The following AMACR variants were observed in gnomAD, a reference collection of about 807,000 sequenced individuals.
AMACR encodes the protein alpha-methylacyl-CoA racemase.
AMACR carries 18 observed loss-of-function variants against 22.2 expected under a neutral mutation model. The observed-to-expected ratio is 0.81, with a 90% CI of 0.56 to 1.20. The LOEUF (loss-of-function observed/expected upper bound fraction) is 1.20. Among genes scored for constraint, AMACR ranks in the 50% most tolerant of loss-of-function variants. The pLI is 0.00. For missense variants in AMACR, 499 were observed against 490.6 expected (o/e 1.02, Z -0.16); for synonymous variants, 213 against 191.3 (o/e 1.11, Z -0.94).
At position 33,989,040 on chromosome 5, in the gene AMACR, A is replaced by G. The variant is rs1239711973; in HGVS notation, c.*53T>C. On this transcript the variant is annotated 3_prime_UTR_variant, in exon 5 of 5. Coordinates refer to ENST00000335606, the MANE Select transcript of AMACR (RefSeq NM_014324.6). ...TTCCATGCATACAATGTTATGTGTTACTCTACACTGTAAATGCAGTATTCA... is the reference window on the plus strand; with the variant it reads ...TTCCATGCATACAATGTTATGTGTTGCTCTACACTGTAAATGCAGTATTCA... 1.2e-6 allele frequency: 2 copies of G among 1,611,688 alleles called. No homozygotes were observed. The highest frequency in any genetic ancestry group is 2.7e-5 in the African/African-American group (2 of 74,886).
chr5:34,006,904 T>C (rs1753997282), intron 1 of AMACR, among the ~76,000 whole-genome samples: 1 of 152,244 alleles, frequency 6.6e-6, no homozygotes, highest in Admixed American at 6.5e-5. Context: ...ACTGGAGTGA[T>C]ACCAGCCCCA....
chr5:34,006,820 T>A (rs1753994222), intron 1 of AMACR, among the ~76,000 whole-genome samples: 1 of 152,272 alleles, frequency 6.6e-6, no homozygotes, highest in African/African-American at 2.4e-5. Context: ...CATTTACCGA[T>A]TTCCCACTAT....
In AMACR at chr5:33,989,081, T is replaced by G. The variant is rs1423230846; in HGVS notation, c.*12A>C. 1 of 1,614,032 alleles carries G rather than the reference T, an allele frequency of 6.2e-7. No homozygotes were observed. The highest frequency in any genetic ancestry group is 8.5e-7 in the Non-Finnish European group (1 of 1,180,034). ...GCAGTATTCAAATTCACTTGAGCCG[T>G]GGGCCTGGAAGTTAGAGACTAGCTT... On this transcript the variant is annotated 3_prime_UTR_variant, in exon 5 of 5. Coordinates refer to ENST00000335606, the MANE Select transcript of AMACR (RefSeq NM_014324.6).
At chr5:34,006,921 A>T (rs1188187651) in intron 1 of AMACR, among the ~76,000 whole-genome samples, 1 of 152,246 alleles carries the variant, frequency 6.6e-6, no homozygotes, top group Non-Finnish European at 1.5e-5. Flanking sequence ...CCCAAACACC[A>T]GTTTTTAAAA....
chr5:33,991,796 G>A (rs185328585), intron 4 of AMACR, among the ~76,000 whole-genome samples: 116 of 151,316 alleles, frequency 7.7e-4, no homozygotes, highest in African/African-American at 2.6e-3. Flanking sequence ...GCTGGAGTGC[G>A]GTGGTGTGAT....
At chr5:33,997,333 T>G (rs1207663179) in intron 4 of AMACR, 1 of 774,808 alleles carries the variant, frequency 1.3e-6, no homozygotes, top group Non-Finnish European at 2.4e-6. Context: ...ACATAAATTT[T>G]TAATCATCAT....
In AMACR at chr5:33,988,997, A is replaced by G. The variant is rs1753383731; in HGVS notation, c.*96T>C. 1 of 1,577,000 alleles carries G rather than the reference A, an allele frequency of 6.3e-7. No individual in the cohort carries two copies. Among genetic ancestry groups the G allele is most frequent in the Non-Finnish European group, 8.6e-7 (1 of 1,161,844 alleles). On this transcript the variant is annotated 3_prime_UTR_variant, in exon 5 of 5. Transcript: ENST00000335606. ...CTTGATTAGAGTGGTAGGACACTGT[A>G]ATACTGTTCCTCCATGTTTCCATGC...
rs779290495 is a variant in AMACR, at chr5:33,989,231, G to A, written c.1011C>T (p.Ile337=). 9 of 1,614,022 alleles carry A rather than the reference G, an allele frequency of 5.6e-6. No individual in the cohort carries two copies. The African/African-American group carries it at 1.1e-4, about 19-fold the overall frequency. ...TGAAAGGATCCCTTTTGAAAGAAGGGATGGCTGGGGTGTTTAACAGCAGAG... is the reference window on the plus strand; with the variant it reads ...TGAAAGGATCCCTTTTGAAAGAAGGAATGGCTGGGGTGTTTAACAGCAGAG... The part of the protein sequence containing the change: ...PAPLLLNTPA[I]PSFKRDPFIG... Residue 337 remains isoleucine (I), a synonymous_variant, in exon 5 of 5, where the codon ATC becomes ATT. Coordinates refer to ENST00000335606, the MANE Select transcript of AMACR (RefSeq NM_014324.6).
intron 1 of AMACR, among the ~76,000 whole-genome samples, chr5:34,006,762 T>A (rs913682938): frequency 1.3e-5 from 2 of 152,270 alleles, no homozygotes; most frequent in Admixed American, 1.3e-4. Flanking sequence ...TTAAATGAGT[T>A]AACGCATTTA....
chr5:34,007,670 C>A, intron 1 of AMACR, 103 bp downstream of exon 1: 1 of 1,420,206 alleles, frequency 7.0e-7, no homozygotes, highest in Non-Finnish European at 9.2e-7. Flanking sequence ...AGGGTTCTTG[C>A]GGCAACAGGG....
chr5:33,990,867 C>A (rs1753451830), intron 4 of AMACR, among the ~76,000 whole-genome samples: 2 of 152,200 alleles, frequency 1.3e-5, no homozygotes, highest in Non-Finnish European at 2.9e-5. Context: ...AAACAGCCTC[C>A]TGTGGGATAT....
rs975313841 is a variant in AMACR, at chr5:34,008,044, G to A, written c.-25C>T. The A allele has an allele frequency of 6.2e-7, 1 of 1,607,690 alleles. No homozygotes were observed. Among genetic ancestry groups the A allele is most frequent in the Non-Finnish European group, 8.5e-7 (1 of 1,179,644 alleles). On this transcript the variant is annotated 5_prime_UTR_variant, in exon 1 of 5. Coordinates refer to ENST00000335606, the MANE Select transcript of AMACR (RefSeq NM_014324.6). Reference sequence around the variant, plus strand: ...TGGCGCTTCCCAGTGCCCCGCTGAAGGAAACTGAGCAGCCCTTAGCCCCAG... The same window carrying A: ...TGGCGCTTCCCAGTGCCCCGCTGAAAGAAACTGAGCAGCCCTTAGCCCCAG...
At chr5:33,991,753 A>ATTATTT (rs1242603112) in intron 4 of AMACR, among the ~76,000 whole-genome samples, 2 of 150,374 alleles carry the variant, frequency 1.3e-5, no homozygotes, top group African/African-American at 2.4e-5. Flanking sequence ...TATTATTATT[A>ATTATTT]TTTTTGAGAC....
rs754683383 is a variant in AMACR at position 34,007,868 on chromosome 5, C to T, written c.152G>A (p.Arg51His). 4 of 1,589,522 alleles carry T rather than the reference C, an allele frequency of 2.5e-6. No homozygotes were observed. Among genetic ancestry groups the T allele is most frequent in the Non-Finnish European group, 3.4e-6 (4 of 1,170,538 alleles). ...YDVSRLGRGKRSLVLDLKQPR... is the reference protein window; with the variant it reads ...YDVSRLGRGKHSLVLDLKQPR... Reference sequence around the variant, plus strand: ...CTGCTTCAGGTCCAGCACTAGCGAGCGCTTGCCCCGGCCCAAGCGGCTCAC... The same window carrying T: ...CTGCTTCAGGTCCAGCACTAGCGAGTGCTTGCCCCGGCCCAAGCGGCTCAC... Residue 51 changes from arginine to histidine, a missense_variant, in exon 1 of 5, where the codon CGC becomes CAC. Physicochemically the swap from Arg to His is conservative, Grantham distance 29. Transcript: ENST00000335606.
Position 33,998,699 on chromosome 5 carries a change from A to G in AMACR, c.681T>C (p.Asp227=), listed in dbSNP as rs778140879. 6.2e-6 allele frequency: 10 copies of G among 1,613,874 alleles called. No individual in the cohort carries two copies. In the African/African-American group the frequency reaches 9.3e-5, roughly 15 times the overall value. The change falls in exon 4 of 5, where the codon GAT becomes GAC. Residue 227 remains aspartate, a synonymous_variant. Transcript: ENST00000335606. ...APFYTTYRTA[D]GEFMAVGAIE... Reference sequence around the variant, plus strand: ...TTGCTCCAACAGCCATGAATTCCCCATCTGCTGTCCTGTAAGTCGTATAGA... The same window carrying G: ...TTGCTCCAACAGCCATGAATTCCCCGTCTGCTGTCCTGTAAGTCGTATAGA...
At chr5:33,990,362 T>C (rs891230940) in intron 4 of AMACR, among the ~76,000 whole-genome samples, 1 of 152,170 alleles carries the variant, frequency 6.6e-6, no homozygotes, top group Non-Finnish European at 1.5e-5. Context: ...GAAGGGCCCA[T>C]CAAGACCACA....
At position 34,007,909 on chromosome 5, in the gene AMACR, G is replaced by A; in HGVS notation, c.111C>T (p.Pro37=). The A allele has an allele frequency of 1.2e-6, 2 of 1,605,946 alleles. No individual in the cohort carries two copies. The highest frequency in any genetic ancestry group is 4.5e-5 in the East Asian group (2 of 44,734). ...AGCGGCTCACGTCGTAGCGGGAGCC[G>A]GGCCGGTCCACGCGTACCACACGCG... ...FGARVVRVDR[P]GSRYDVSRLG... The change falls in exon 1 of 5, where the codon CCC becomes CCT. Residue 37 remains proline, a synonymous_variant. Coordinates refer to ENST00000335606, the MANE Select transcript of AMACR (RefSeq NM_014324.6).
intron 4 of AMACR, among the ~76,000 whole-genome samples, chr5:33,995,168 C>T (rs1279600937): frequency 2.0e-5 from 3 of 152,228 alleles, no homozygotes; most frequent in Non-Finnish European, 4.4e-5. Context: ...CACTGTGGGG[C>T]TATCAGCCCA....
chr5:33,992,856 T>C (rs1456946563), intron 4 of AMACR, among the ~76,000 whole-genome samples: 10 of 152,328 alleles, frequency 6.6e-5, no homozygotes, highest in Admixed American at 2.0e-4. Flanking sequence ...CTTTTTTTTT[T>C]CCTAGCAAAC....
Sources: gnomAD v4.1 joint callset for allele counts (sites outside exome capture counted in the v4.1 genomes callset) on GRCh38, gnomAD v4.1.1 for gene constraint, MANE v1.5 for transcripts, NCBI Gene and HGNC (gene_info 2026-07-23, HGNC 2026-07-21) for gene names.